ANXA8: variants seen among roughly 807,000 people sequenced by gnomAD.
ANXA8 encodes VAC-beta.
Under a neutral mutation model 26.8 loss-of-function variants are expected in ANXA8, and 9 were observed. That is an observed-to-expected ratio of 0.34 (90% CI 0.20 to 0.59). The LOEUF (loss-of-function observed/expected upper bound fraction) is 0.59. Among genes scored for constraint, ANXA8 ranks in the 20% least tolerant of loss-of-function variants. ANXA8 has a pLI of 0.84. For synonymous variants in ANXA8, 39 were observed against 94.8 expected (o/e 0.41, Z 3.42); for missense variants, 83 against 238.5 (o/e 0.35, Z 4.29).
chr10:47,594,132 C>T, the ANXA8 span, among the ~76,000 whole-genome samples: 1 of 149,252 alleles, frequency 6.7e-6, no homozygotes, highest in African/African-American at 2.6e-5. Flanking sequence ...ACTGGCTTCC[C>T]TGCTCCTCAG....
the ANXA8 span, among the ~76,000 whole-genome samples, chr10:47,989,416 C>A: frequency 1.6e-5 from 2 of 122,758 alleles, no homozygotes; most frequent in African/African-American, 5.7e-5. Context: ...TGCGGTAGGT[C>A]TCAGGTGCAG....
chr10:47,768,014 C>T, the ANXA8 span, among the ~76,000 whole-genome samples: 28,817 of 147,558 alleles, frequency 0.2, 2,937 homozygotes, highest in East Asian at 0.43. Context: ...GCTGAGCCGG[C>T]GTTGGCATCA....
chr10:47,733,143 A>ATCTATCTTTCTT, the ANXA8 span, among the ~76,000 whole-genome samples: 19 of 98,140 alleles, frequency 1.9e-4, no homozygotes, highest in South Asian at 3.5e-4. Flanking sequence ...CAACTCCCTA[A>ATCTATCTTTCTT]TCTTTCTTTC....
At chr10:47,550,109 T>G in the ANXA8 span, among the ~76,000 whole-genome samples, 3 of 151,282 alleles carry the variant, frequency 2.0e-5, no homozygotes, top group African/African-American at 7.3e-5. Context: ...AGAGCAAGAC[T>G]CTGTCTCAAA....
chr10:47,733,191 T>TTCTTTCTTTCTCTCTCTCTCTC, the ANXA8 span, among the ~76,000 whole-genome samples: 1 of 106,474 alleles, frequency 9.4e-6, no homozygotes. Flanking sequence ...CTTTCTTTCT[T>TTCTTTCTTTCTCTCTCTCTCTC]TCTTTCTTTC....
In ANXA8 at chr10:47,469,722, G is replaced by A. The variant is rs1185219413; in HGVS notation, c.925-816C>T. Reference sequence around the variant, plus strand: ...AGAGGGGAGTGAATTCATTCACAACGGCATGGTGAGTAAGGGGTAGACTGG... The same window carrying A: ...AGAGGGGAGTGAATTCATTCACAACAGCATGGTGAGTAAGGGGTAGACTGG... On this transcript the variant is annotated intron_variant, in intron 11 of 11. Coordinates refer to ENST00000585281, the MANE Select transcript of ANXA8 (RefSeq NM_001040084.3). Among the ~76,000 whole-genome samples the A allele has an allele frequency of 2.6e-5, 4 of 151,248 alleles. No homozygotes were observed. The East Asian group carries it at 7.8e-4, about 29-fold the overall frequency.
the ANXA8 span, among the ~76,000 whole-genome samples, chr10:47,623,302 A>G: frequency 9.0e-6 from 1 of 110,874 alleles, no homozygotes; most frequent in Non-Finnish European, 2.0e-5. Flanking sequence ...ACTGTACACA[A>G]CGCAAGGGCT....
At chr10:47,527,621 C>T in the ANXA8 span, among the ~76,000 whole-genome samples, 4 of 143,866 alleles carry the variant, frequency 2.8e-5, 1 homozygote, top group African/African-American at 1.0e-4. Flanking sequence ...AGGAAAGCTA[C>T]AAATTAGCTA....
the ANXA8 span, among the ~76,000 whole-genome samples, chr10:47,901,855 T>C: frequency 6.6e-6 from 1 of 151,402 alleles, no homozygotes; most frequent in African/African-American, 2.4e-5. Flanking sequence ...CTTGTATTTA[T>C]TTAGCAATTT....
the ANXA8 span, among the ~76,000 whole-genome samples, chr10:47,651,724 A>G: frequency 6.6e-6 from 1 of 151,356 alleles, no homozygotes; most frequent in Non-Finnish European, 1.5e-5. Flanking sequence ...GAGAAACCCC[A>G]TCTCTACTAA....
At chr10:47,947,584 T>C in the ANXA8 span, among the ~76,000 whole-genome samples, 1 of 150,748 alleles carries the variant, frequency 6.6e-6, no homozygotes, top group Non-Finnish European at 1.5e-5. Flanking sequence ...ATTTCCCCCT[T>C]GCTGTTCTTG....
the ANXA8 span, among the ~76,000 whole-genome samples, chr10:47,701,328 A>G: frequency 6.6e-6 from 1 of 151,672 alleles, no homozygotes; most frequent in African/African-American, 2.4e-5. Context: ...ACAAAATTAC[A>G]TATGTACTTA....
chr10:47,969,733 A>C, the ANXA8 span, among the ~76,000 whole-genome samples: 1 of 149,598 alleles, frequency 6.7e-6, no homozygotes, highest in Admixed American at 6.7e-5. Flanking sequence ...TTCTTTTCTA[A>C]GAGATGGGGT....
At chr10:47,674,282 CCACCACA>C in the ANXA8 span, among the ~76,000 whole-genome samples, 9 of 150,834 alleles carry the variant, frequency 6.0e-5, no homozygotes, top group Non-Finnish European at 1.3e-4. Flanking sequence ...CAGATGCATG[CCACCACA>C]CCTGGCTAAT....
the ANXA8 span, among the ~76,000 whole-genome samples, chr10:47,503,937 CAAAAAAAAA>C: frequency 4.3e-5 from 1 of 23,442 alleles, no homozygotes; most frequent in Non-Finnish European, 6.8e-5. Flanking sequence ...GAGAGTCCAT[CAAAAAAAAA>C]AAAAAAAAAA....
the ANXA8 span, among the ~76,000 whole-genome samples, chr10:47,552,978 G>GAC: frequency 2.0e-5 from 3 of 151,904 alleles, no homozygotes; most frequent in East Asian, 1.9e-4. Context: ...GCTTCTCACA[G>GAC]ACACACACAC....
chr10:47,594,922 T>C, the ANXA8 span, among the ~76,000 whole-genome samples: 1 of 149,242 alleles, frequency 6.7e-6, no homozygotes, highest in Non-Finnish European at 1.5e-5. Context: ...GAACCTCTGT[T>C]ATACACTATA....
At chr10:47,738,741 T>TAA in the ANXA8 span, among the ~76,000 whole-genome samples, 1 of 152,046 alleles carries the variant, frequency 6.6e-6, no homozygotes, top group Non-Finnish European at 1.5e-5. Flanking sequence ...CACACCTGGA[T>TAA]AATTTTTGTA....
chr10:47,681,359 C>CTT, the ANXA8 span, among the ~76,000 whole-genome samples: 22 of 134,232 alleles, frequency 1.6e-4, no homozygotes, highest in African/African-American at 3.6e-4. Context: ...TAGCAAAGTT[C>CTT]TTTTTTTTTT....
Sources: allele counts gnomAD v4.1 joint callset (sites outside exome capture counted in the v4.1 genomes callset), GRCh38; gene constraint gnomAD v4.1.1; transcripts MANE v1.5; gene names NCBI Gene and HGNC (gene_info 2026-07-23, HGNC 2026-07-21).